The following SLC39A11 variants were observed in gnomAD, a reference collection of about 807,000 sequenced individuals.
SLC39A11 encodes the protein zinc transporter ZIP11.
A neutral mutation model predicts 36.1 loss-of-function variants in SLC39A11; 33 were observed. The ratio of observed to expected loss-of-function variants is 0.91; its 90% confidence interval spans 0.69 to 1.22. The LOEUF is 1.22. Among genes scored for constraint, SLC39A11 ranks in the 50% most tolerant of loss-of-function variants. The pLI is 0.00. For synonymous variants in SLC39A11, 166 were observed against 170.3 expected (o/e 0.97, Z 0.20); for missense variants, 432 against 430.3 (o/e 1.00, Z -0.03).
At chr17:72,678,947 G>A (rs1413807650) in intron 7 of SLC39A11, among the ~76,000 whole-genome samples, 3 of 152,174 alleles carry the variant, frequency 2.0e-5, no homozygotes, top group African/African-American at 2.4e-5. Context: ...GCCATAAAAA[G>A]AATGAGATCG....
chr17:72,701,598 C>T (rs1018130289), intron 7 of SLC39A11, among the ~76,000 whole-genome samples: 1 of 151,614 alleles, frequency 6.6e-6, no homozygotes, highest in African/African-American at 2.4e-5. Flanking sequence ...TGTGGTGGTG[C>T]ATGCCTGTAG....
intron 7 of SLC39A11, among the ~76,000 whole-genome samples, chr17:72,654,587 G>A (rs1326887658): frequency 3.9e-5 from 6 of 152,262 alleles, no homozygotes; most frequent in South Asian, 2.1e-4. Flanking sequence ...CCTTCCCTGC[G>A]ACTTTGTTCA....
intron 5 of SLC39A11, among the ~76,000 whole-genome samples, chr17:72,935,141 A>G (rs1367186031): frequency 6.6e-6 from 1 of 152,230 alleles, no homozygotes; most frequent in Non-Finnish European, 1.5e-5. Context: ...GGTGAAAGTA[A>G]ACAAATTGTG....
chr17:72,948,047 A>G (rs1458417082), intron 4 of SLC39A11, among the ~76,000 whole-genome samples, 172 bp from the exon 5 acceptor site: 1 of 152,222 alleles, frequency 6.6e-6, no homozygotes, highest in Non-Finnish European at 1.5e-5. Context: ...CAGGAAGATG[A>G]CAAACTTTCC....
chr17:72,837,845 A>G (rs2078635362), intron 6 of SLC39A11: 1 of 852,826 alleles, frequency 1.2e-6, no homozygotes, highest in Admixed American at 4.3e-5. Context: ...GGTTAGGGAA[A>G]CTGTAGAGAC....
At chr17:72,823,930 G>A (rs1254920424) in intron 6 of SLC39A11, 3 of 151,340 alleles carry the variant, frequency 2.0e-5, no homozygotes, top group African/African-American at 7.3e-5. Flanking sequence ...GTAATGAATA[G>A]ATGGGATTCT....
chr17:72,845,453 C>T (rs560570802), intron 6 of SLC39A11, among the ~76,000 whole-genome samples: 1 of 152,328 alleles, frequency 6.6e-6, no homozygotes, highest in African/African-American at 2.4e-5. Context: ...TCCCAGAGAT[C>T]TGCATGACTG....
Position 73,088,790 on chromosome 17 carries a change from C to G in SLC39A11, c.-11-15G>C, listed in dbSNP as rs1029509980. 1.9e-6 allele frequency: 3 copies of G among 1,564,378 alleles called. No individual in the cohort carries two copies. The African/African-American group carries it at 4.1e-5, about 21-fold the overall frequency. ...GCTGGATACAGCTGTGCAAGAGGAG[C>G]GAGAGGGTCAGCCACCGGTGGTCCG... On this transcript the variant is annotated splice_polypyrimidine_tract_variant and intron_variant, in intron 1 of 9. Transcript: ENST00000255559.
At chr17:72,933,429 A>G (rs2084547772) in intron 5 of SLC39A11, among the ~76,000 whole-genome samples, 1 of 152,212 alleles carries the variant, frequency 6.6e-6, no homozygotes, top group African/African-American at 2.4e-5. Context: ...AGAATATACC[A>G]TGTTCATAAA....
chr17:73,088,043 A>C (rs2060792818), intron 2 of SLC39A11, among the ~76,000 whole-genome samples: 1 of 152,096 alleles, frequency 6.6e-6, no homozygotes, highest in Admixed American at 6.5e-5. Flanking sequence ...GGTGGCTCAC[A>C]CCTGCAATCC....
At chr17:73,019,765 C>A (rs982233886) in intron 4 of SLC39A11, among the ~76,000 whole-genome samples, 4 of 151,780 alleles carry the variant, frequency 2.6e-5, no homozygotes, top group Non-Finnish European at 5.9e-5. Context: ...AGTCACGGAC[C>A]CAATCACATC....
At chr17:72,651,112 G>A (rs2069832531) in intron 7 of SLC39A11, among the ~76,000 whole-genome samples, 1 of 152,158 alleles carries the variant, frequency 6.6e-6, no homozygotes, top group Non-Finnish European at 1.5e-5. Flanking sequence ...TAGACTCTTA[G>A]GAAAAGTCCA....
chr17:72,699,239 A>G (rs2144544806), intron 7 of SLC39A11, among the ~76,000 whole-genome samples: 1 of 152,364 alleles, frequency 6.6e-6, no homozygotes, highest in East Asian at 1.9e-4. Flanking sequence ...GGCCACACAT[A>G]AAATACACTA....
intron 5 of SLC39A11, among the ~76,000 whole-genome samples, chr17:72,919,669 CAAAAA>C (rs35888661): frequency 1.4e-5 from 1 of 69,020 alleles, no homozygotes. Flanking sequence ...GAGAGTCCGT[CAAAAA>C]AAAAAAAAAA....
Position 72,960,954 on chromosome 17 carries a change from G to A in SLC39A11, c.307-13079C>T, listed in dbSNP as rs542879884. Among the ~76,000 whole-genome samples, 23 of 152,322 alleles carry A rather than the reference G, an allele frequency of 1.5e-4. 1 individual carries two copies. In the South Asian group the frequency reaches 3.5e-3, roughly 23 times the overall value. On this transcript the variant is annotated intron_variant, in intron 4 of 9. Coordinates refer to ENST00000255559, the MANE Select transcript of SLC39A11 (RefSeq NM_139177.4). ...GCACTGCTGAGGAAAAAAGGTTAAA[G>A]TATGGCTTATCAACATTTTTCATAG...
chr17:73,090,948 T>C (rs575624365), intron 1 of SLC39A11, among the ~76,000 whole-genome samples: 1 of 152,284 alleles, frequency 6.6e-6, no homozygotes, highest in Non-Finnish European at 1.5e-5. Context: ...TTCTTCTCTA[T>C]TTGCTGTTTT....
At chr17:72,826,154 C>T (rs1325767172) in intron 6 of SLC39A11, among the ~76,000 whole-genome samples, 3 of 152,160 alleles carry the variant, frequency 2.0e-5, no homozygotes, top group East Asian at 1.9e-4. Context: ...GACTGGATCA[C>T]GAGGGTGGAC....
intron 4 of SLC39A11, among the ~76,000 whole-genome samples, chr17:72,979,130 G>A (rs1209103732): frequency 1.3e-5 from 2 of 152,158 alleles, no homozygotes; most frequent in Admixed American, 6.5e-5. Context: ...GTGATAGTGA[G>A]TGAGTTCTCA....
At chr17:72,711,273 G>A (rs1172698204) in intron 7 of SLC39A11, among the ~76,000 whole-genome samples, 1 of 152,226 alleles carries the variant, frequency 6.6e-6, no homozygotes, top group Non-Finnish European at 1.5e-5. Flanking sequence ...GCAGCTAGGT[G>A]AGAACATGTA....
Sources: allele counts gnomAD v4.1 joint callset (sites outside exome capture counted in the v4.1 genomes callset), GRCh38; gene constraint gnomAD v4.1.1; transcripts MANE v1.5; gene names NCBI Gene and HGNC (gene_info 2026-07-23, HGNC 2026-07-21).